The following ACYP2 variants were observed in gnomAD, a reference collection of about 807,000 sequenced individuals.
ACYP2 encodes acylphosphatase-2.
Under a neutral mutation model 11.2 loss-of-function variants are expected in ACYP2, and 12 were observed. The ratio of observed to expected loss-of-function variants is 1.08; its 90% CI spans 0.69 to 1.74. The LOEUF is 1.74. Among genes scored for constraint, ACYP2 ranks in the 40% most tolerant of loss-of-function variants. The pLI is 0.00. For missense variants in ACYP2, 134 were observed against 101.9 expected, an observed-to-expected ratio of 1.31 and a Z score of -1.35; for synonymous variants, 43 against 32.2, an observed-to-expected ratio of 1.33 and a Z score of -1.13.
At chr2:54,243,938 A>C (rs1356692517) in intron 6 of ACYP2, among the ~76,000 whole-genome samples, 1 of 151,642 alleles carries the variant, frequency 6.6e-6, no homozygotes, top group Non-Finnish European at 1.5e-5. Flanking sequence ...TTTAATCCAC[A>C]GCTGACCTGA....
intron 3 of ACYP2, chr2:54,057,205 T>A (rs1013490467): frequency 2.5e-5 from 10 of 397,136 alleles, no homozygotes; most frequent in Non-Finnish European, 4.0e-5. Context: ...GGTGATGAAC[T>A]TTTTCTTACT....
chr2:54,289,490 A>G lies in ACYP2; in HGVS notation c.405-15198A>G, dbSNP rs565772658. Among the ~76,000 whole-genome samples the G allele has an allele frequency of 3.9e-5, 6 of 152,016 alleles. No homozygotes were observed. In the South Asian group the frequency reaches 1.2e-3, roughly 31 times the overall value. On this transcript the variant is annotated intron_variant, in intron 6 of 6. Transcript: ENST00000607452. ...TGTTTTATAACCTGCAGAGATTATT[A>G]GGAAGATACATATTTCTTCCTCACC...
chr2:54,033,530 A>G (rs1243800714), intron 2 of ACYP2, among the ~76,000 whole-genome samples: 2 of 152,088 alleles, frequency 1.3e-5, no homozygotes, highest in African/African-American at 4.8e-5. Flanking sequence ...ACATTTCTAT[A>G]TGAATTTACT....
At chr2:54,219,943 T>C (rs1250160233) in intron 6 of ACYP2, among the ~76,000 whole-genome samples, 1 of 144,700 alleles carries the variant, frequency 6.9e-6, no homozygotes, top group African/African-American at 2.6e-5. Flanking sequence ...GTTTTTGCCA[T>C]GTTGGGCAGG....
chr2:53,983,710 A>G lies in ACYP2; in HGVS notation c.62+9900A>G, dbSNP rs767692349. ...CCGAAAAGCTGCTTCAGATATATCA[A>G]TACAGTGCTATGGGTAGTAACCAAA... On this transcript the variant is annotated intron_variant, in intron 2 of 6. Transcript: ENST00000607452. Among the ~76,000 whole-genome samples the G allele has an allele frequency of 2.0e-5, 3 of 152,208 alleles. No individual in the cohort carries two copies. In the East Asian group the frequency reaches 5.8e-4, roughly 29 times the overall value.
At chr2:54,224,268 G>A (rs970614683) in intron 6 of ACYP2, among the ~76,000 whole-genome samples, 4 of 152,134 alleles carry the variant, frequency 2.6e-5, no homozygotes, top group African/African-American at 7.2e-5. Context: ...AGCAGTTCCC[G>A]AACTCTTGTC....
At chr2:53,996,216 A>G (rs1397067270) in intron 2 of ACYP2, among the ~76,000 whole-genome samples, 1 of 152,122 alleles carries the variant, frequency 6.6e-6, no homozygotes, top group Non-Finnish European at 1.5e-5. Flanking sequence ...AGATTCCTTG[A>G]TAGATACATC....
intron 6 of ACYP2, among the ~76,000 whole-genome samples, chr2:54,151,533 A>T (rs1313021330): frequency 6.6e-6 from 1 of 152,168 alleles, no homozygotes; most frequent in Non-Finnish European, 1.5e-5. Context: ...CATAGAAGGT[A>T]TTTTTTTAGG....
At chr2:54,292,356 C>CT in intron 6 of ACYP2, among the ~76,000 whole-genome samples, 1 of 152,046 alleles carries the variant, frequency 6.6e-6, no homozygotes, top group South Asian at 2.1e-4. Flanking sequence ...ATTGAGATGT[C>CT]TTATAGGTAT....
intron 6 of ACYP2, chr2:54,255,180 A>G (rs1687433864): frequency 6.2e-7 from 1 of 1,614,166 alleles, no homozygotes; most frequent in African/African-American, 1.3e-5. Context: ...TTAGAGTGGA[A>G]AAAGACACCA....
chr2:53,975,493 G>C (rs1671426831), intron 2 of ACYP2: 1 of 381,186 alleles, frequency 2.6e-6, no homozygotes, highest in East Asian at 3.7e-5. Context: ...AGTCCAACTT[G>C]TTATCTCTTG....
intron 6 of ACYP2, among the ~76,000 whole-genome samples, chr2:54,195,651 AC>A (rs146061162): frequency 0.29 from 41,572 of 143,856 alleles, 6,313 homozygotes; most frequent in South Asian, 0.43. Context: ...AAAAAAAAAA[AC>A]AAAACACTGT....
chr2:54,255,325 T>A lies in ACYP2; in HGVS notation c.405-49363T>A, dbSNP rs780364744. 3 of 1,614,182 alleles carry A rather than the reference T, an allele frequency of 1.9e-6. No individual in the cohort carries two copies. In the East Asian group the frequency reaches 6.7e-5, roughly 36 times the overall value. ...CTCCTTCACTTCCAAATTGGTTAAG[T>A]AGCTTAACATCTCGGCATCTTGGCC... On this transcript the variant is annotated intron_variant, in intron 6 of 6. Coordinates refer to ENST00000607452, the MANE Select transcript of ACYP2 (RefSeq NM_001320586.2).
At chr2:54,067,004 T>A (rs1676785359) in intron 4 of ACYP2, among the ~76,000 whole-genome samples, 1 of 152,230 alleles carries the variant, frequency 6.6e-6, no homozygotes, top group Admixed American at 6.5e-5. Flanking sequence ...TGTGTCAACT[T>A]GGGCAGATCA....
chr2:54,054,300 G>T (rs1375654762), intron 3 of ACYP2, among the ~76,000 whole-genome samples: 2 of 152,160 alleles, frequency 1.3e-5, no homozygotes, highest in African/African-American at 4.8e-5. Context: ...GAGACAGATA[G>T]TTTCTAGATT....
At chr2:54,178,383 C>G (rs1463419375) in intron 6 of ACYP2, among the ~76,000 whole-genome samples, 2 of 152,106 alleles carry the variant, frequency 1.3e-5, no homozygotes, top group African/African-American at 4.8e-5. Flanking sequence ...GAGATTTGTT[C>G]TGATCCACCT....
intron 4 of ACYP2, among the ~76,000 whole-genome samples, chr2:54,123,614 C>T (rs1011532281): frequency 2.0e-5 from 3 of 152,100 alleles, no homozygotes; most frequent in Non-Finnish European, 1.5e-5. Context: ...TTCCCCACCT[C>T]ATTCCCCCAT....
chr2:53,974,874 G>GT (rs1671391417), intron 2 of ACYP2, among the ~76,000 whole-genome samples: 1 of 152,138 alleles, frequency 6.6e-6, no homozygotes, highest in South Asian at 2.1e-4. Flanking sequence ...TTTGGTTGAC[G>GT]TGTAAGTGAA....
intron 5 of ACYP2, among the ~76,000 whole-genome samples, chr2:54,137,766 G>A (rs989839008): frequency 4.6e-5 from 7 of 152,120 alleles, no homozygotes; most frequent in African/African-American, 1.4e-4. Context: ...TGTTTATGAT[G>A]AAACAATTTA....
Sources: allele counts gnomAD v4.1 joint callset (sites outside exome capture counted in the v4.1 genomes callset), GRCh38; gene constraint gnomAD v4.1.1; transcripts MANE v1.5; gene names NCBI Gene and HGNC (gene_info 2026-07-23, HGNC 2026-07-21).